The following LARGE1 variants were observed in gnomAD, a reference collection of about 807,000 sequenced individuals.
The protein encoded by LARGE1 is xylosyl- and glucuronyltransferase LARGE1.
A neutral mutation model predicts 87.6 loss-of-function variants in LARGE1; 43 were observed. That is an observed-to-expected ratio of 0.49 (90% CI 0.38 to 0.63). LARGE1 has a LOEUF of 0.63. Ranked by LOEUF, LARGE1 falls within the 30% of genes least tolerant of loss-of-function variation. The pLI is 0.00. For missense variants in LARGE1, 802 were observed against 1,000.2 expected, an observed-to-expected ratio of 0.80 and a Z score of 2.67; for synonymous variants, 434 against 394.6, an observed-to-expected ratio of 1.10 and a Z score of -1.18.
At chr22:33,670,366 C>T (rs1464259899) in intron 2 of LARGE1, among the ~76,000 whole-genome samples, 1 of 151,782 alleles carries the variant, frequency 6.6e-6, no homozygotes, top group Non-Finnish European at 1.5e-5. Context: ...AAGGGAAAAA[C>T]TTCGAGGACT....
chr22:33,091,624 C>T, the LARGE1 span, among the ~76,000 whole-genome samples: 1 of 151,674 alleles, frequency 6.6e-6, no homozygotes, highest in Non-Finnish European at 1.5e-5. Flanking sequence ...TGGTCTGGGC[C>T]AGGTTCTAGA....
intron 4 of LARGE1, among the ~76,000 whole-genome samples, chr22:33,615,450 AG>A (rs915224792): frequency 6.6e-5 from 10 of 151,876 alleles, no homozygotes; most frequent in Non-Finnish European, 1.5e-4. Flanking sequence ...TGGTCCCTGA[AG>A]CACAAACAAT....
intron 1 of LARGE1, among the ~76,000 whole-genome samples, chr22:33,803,289 C>T (rs1254334316): frequency 6.6e-6 from 1 of 152,160 alleles, no homozygotes; most frequent in Non-Finnish European, 1.5e-5. Context: ...GACTTCATCT[C>T]TGTAGCTTCC....
intron 3 of LARGE1, among the ~76,000 whole-genome samples, chr22:33,633,219 C>T (rs931939765): frequency 1.1e-4 from 17 of 152,204 alleles, no homozygotes; most frequent in Admixed American, 9.8e-4. Context: ...GGAGATCCCA[C>T]AGGAGAATGA....
intron 6 of LARGE1, among the ~76,000 whole-genome samples, chr22:33,555,162 G>T (rs762060): frequency 0.44 from 66,812 of 151,996 alleles, 15,252 homozygotes; most frequent in Admixed American, 0.51. Context: ...ATAAATAATC[G>T]AGAGATGATT....
intron 9 of LARGE1, among the ~76,000 whole-genome samples, chr22:33,349,312 T>C (rs1375421834): frequency 1.3e-5 from 2 of 152,284 alleles, no homozygotes; most frequent in East Asian, 1.9e-4. Flanking sequence ...TACATATACA[T>C]TCTATTTCCT....
chr22:33,390,964 T>C (rs1277206186), intron 7 of LARGE1, among the ~76,000 whole-genome samples: 1 of 152,192 alleles, frequency 6.6e-6, no homozygotes, highest in African/African-American at 2.4e-5. Context: ...CCCAAAGTGC[T>C]GGGAACACAG....
chr22:33,294,701 G>A (rs1382690039), intron 12 of LARGE1, among the ~76,000 whole-genome samples: 1 of 152,180 alleles, frequency 6.6e-6, no homozygotes, highest in Non-Finnish European at 1.5e-5. Context: ...GTGGCTGCCT[G>A]TGCATGTACC....
chr22:33,478,029 TG>T (rs2069153647), intron 6 of LARGE1, among the ~76,000 whole-genome samples: 1 of 152,154 alleles, frequency 6.6e-6, no homozygotes, highest in Admixed American at 6.5e-5. Flanking sequence ...GGGTTAAAGG[TG>T]AGCCCTATTT....
chr22:33,765,399 G>A (rs550342321), intron 1 of LARGE1, among the ~76,000 whole-genome samples: 202 of 152,060 alleles, frequency 1.3e-3, no homozygotes, highest in Middle Eastern at 3.4e-3. Flanking sequence ...ACAATAGAAA[G>A]GCATTAAAAA....
intron 11 of LARGE1, among the ~76,000 whole-genome samples, chr22:33,308,589 C>A (rs1467709835): frequency 2.6e-5 from 4 of 152,098 alleles, no homozygotes; most frequent in South Asian, 4.1e-4. Flanking sequence ...TTGGTCCATG[C>A]GATATTAGCA....
intron 1 of LARGE1, among the ~76,000 whole-genome samples, chr22:33,878,626 G>A (rs931900609): frequency 2.6e-5 from 4 of 152,072 alleles, no homozygotes; most frequent in African/African-American, 4.8e-5. Flanking sequence ...GAGGTCAAGC[G>A]GCTAACAAAG....
At chr22:33,262,295 C>T (rs950649514) in intron 11 of LARGE1, among the ~76,000 whole-genome samples, 17 of 152,186 alleles carry the variant, frequency 1.1e-4, no homozygotes, top group African/African-American at 3.1e-4. Flanking sequence ...GAAATTGTCC[C>T]TTCTCCTTTG....
At chr22:33,271,610 G>A (rs980486569), downstream of LARGE1, among the ~76,000 whole-genome samples, 2 of 152,218 alleles carry the variant, frequency 1.3e-5, no homozygotes, top group African/African-American at 2.4e-5. Flanking sequence ...CACATTTAAA[G>A]GCCTGTTTTA....
chr22:33,278,553 TCACACACA>T (rs113415022), intron 13 of LARGE1, among the ~76,000 whole-genome samples: 2,347 of 148,756 alleles, frequency 0.016, 69 homozygotes, highest in African/African-American at 0.056. Context: ...TCTCTCTCTC[TCACACACA>T]CACACACACA....
chr22:33,372,639 C>T (rs2064853112), intron 9 of LARGE1, among the ~76,000 whole-genome samples: 1 of 152,088 alleles, frequency 6.6e-6, no homozygotes, highest in Admixed American at 6.5e-5. Flanking sequence ...CAATTATTTC[C>T]ACCAGGTCCC....
intron 11 of LARGE1, among the ~76,000 whole-genome samples, chr22:33,232,441 G>A (rs1370946296): frequency 1.3e-5 from 2 of 152,154 alleles, no homozygotes; most frequent in African/African-American, 4.8e-5. Flanking sequence ...GGAACCAATG[G>A]CAAGGATGAG....
intron 6 of LARGE1, among the ~76,000 whole-genome samples, chr22:33,495,809 A>C (rs558830625): frequency 1.3e-5 from 2 of 152,324 alleles, no homozygotes; most frequent in Admixed American, 1.3e-4. Flanking sequence ...AGGGGTCATG[A>C]TCACGGTAGA....
chr22:33,580,205 T>C (rs1005219924), intron 5 of LARGE1, among the ~76,000 whole-genome samples: 6 of 151,966 alleles, frequency 3.9e-5, no homozygotes, highest in Non-Finnish European at 8.8e-5. Context: ...ATCCCATCTC[T>C]ACTACAAATA....
Sources: gnomAD v4.1 joint callset for allele counts (sites outside exome capture counted in the v4.1 genomes callset) on GRCh38, gnomAD v4.1.1 for gene constraint, MANE v1.5 for transcripts, NCBI Gene and HGNC (gene_info 2026-07-23, HGNC 2026-07-21) for gene names.